KIF26A: variants seen among roughly 807,000 people sequenced by gnomAD.
KIF26A encodes kinesin-like protein KIF26A.
Under a neutral mutation model 126.0 loss-of-function variants are expected in KIF26A, and 74 were observed. The ratio of observed to expected loss-of-function variants is 0.59; its 90% CI spans 0.49 to 0.71. The LOEUF is 0.71. KIF26A is among the 30% of genes least tolerant of loss of function. KIF26A has a pLI of 0.00. For synonymous variants in KIF26A, 1,445 were observed against 1,232.7 expected (o/e 1.17, Z -3.61); for missense variants, 2,984 against 2,763.3 (o/e 1.08, Z -1.79).
chr14:104,169,156 C>T (rs1014377621), intron 5 of KIF26A, among the ~76,000 whole-genome samples: 1 of 152,180 alleles, frequency 6.6e-6, no homozygotes, highest in African/African-American at 2.4e-5. Context: ...CTGCCCTGGC[C>T]ACGTGGGCTG....
At chr14:104,139,330 A>T in intron 2 of KIF26A, 42 bp downstream of exon 2, 1 of 1,391,254 alleles carries the variant, frequency 7.2e-7, no homozygotes, top group Non-Finnish European at 9.4e-7. Context: ...GAGCAGGGCC[A>T]CGCCGAACTT....
intron 3 of KIF26A, among the ~76,000 whole-genome samples, chr14:104,157,070 A>G (rs2037785924): frequency 6.6e-6 from 1 of 152,154 alleles, no homozygotes; most frequent in Non-Finnish European, 1.5e-5. Flanking sequence ...CACGCCGCCC[A>G]GGACCAGGTT....
At chr14:104,156,131 C>T (rs2037774938) in intron 3 of KIF26A, among the ~76,000 whole-genome samples, 1 of 152,222 alleles carries the variant, frequency 6.6e-6, no homozygotes, top group South Asian at 2.1e-4. Context: ...CCCAGGGGTG[C>T]TCAACCAGAC....
In KIF26A at chr14:104,139,072, G is replaced by T; in HGVS notation, c.72G>T (p.Pro24=). Residue 24 remains proline (P), a synonymous_variant, in exon 2 of 15, where the codon CCG becomes CCT. Transcript: ENST00000423312. ...CCGAGGGCGGCCCGGCCCGCGAGCC[G>T]CCGCCGCTGCTGGAGGTGTCCCCCC... The part of the protein sequence containing the change: ...AVAEGGPARE[P]PPLLEVSPRK... 1 of 1,391,464 alleles carries T rather than the reference G, an allele frequency of 7.2e-7. No homozygotes were observed. Among genetic ancestry groups the T allele is most frequent in the East Asian group, 3.1e-5 (1 of 32,688 alleles). 86.2% of individuals were successfully genotyped at this position (1,391,464 alleles called of 1,614,324 possible). A position where few individuals can be genotyped will look rare whatever the true frequency, so the allele number is the denominator to read the frequency against.
At chr14:104,165,661 A>C (rs535547604) in intron 4 of KIF26A, among the ~76,000 whole-genome samples, 13 of 111,532 alleles carry the variant, frequency 1.2e-4, no homozygotes, top group African/African-American at 3.4e-4. Context: ...ATGTGTGTGT[A>C]TCTGTGTTTC....
intron 4 of KIF26A, among the ~76,000 whole-genome samples, chr14:104,164,135 C>T (rs377405415): frequency 3.9e-5 from 6 of 152,178 alleles, no homozygotes; most frequent in South Asian, 4.1e-4. Context: ...AAAACGCCAG[C>T]GCTGCAGCCG....
At chr14:104,163,598 C>G (rs1400355717) in intron 4 of KIF26A, among the ~76,000 whole-genome samples, 2 of 150,812 alleles carry the variant, frequency 1.3e-5, no homozygotes, top group Non-Finnish European at 2.9e-5. Flanking sequence ...GTGCCATTGC[C>G]TCCCCTTGCA....
rs183355276 is a variant in KIF26A, at chr14:104,147,050, A to G, written c.289-4965A>G. ...AGGGGCCTGATTTGAAACCGAGTCC[A>G]CGGGGCCCCTTGGTTCACCCGGTGA... is the stretch of plus-strand genomic sequence containing the variant. On this transcript the variant is annotated intron_variant, in intron 2 of 14. Transcript: ENST00000423312. Among the ~76,000 whole-genome samples, 6 of 152,176 alleles carry G rather than the reference A, an allele frequency of 3.9e-5. 1 individual carries two copies. In the East Asian group the frequency reaches 1.2e-3, roughly 29 times the overall value.
At position 104,178,706 on chromosome 14, in the gene KIF26A, TG is replaced by T. The variant is rs930915134; in HGVS notation, c.5269del (p.Glu1757SerfsTer56). 6.4e-7 allele frequency: 1 copy of T among 1,561,462 alleles called. No individual in the cohort carries two copies. Among genetic ancestry groups the T allele is most frequent in the African/African-American group, 1.4e-5 (1 of 73,550 alleles). ...FEIKVYEIDD[V>X]ERLQRPRPTP... ...ATCAAGGTGTACGAGATCGATGACG[TG>T]GAGCGCCTTCAGCGGCCCCGCCCCA... On this transcript the variant is annotated frameshift_variant, in exon 13 of 15. Coordinates refer to ENST00000423312, the MANE Select transcript of KIF26A (RefSeq NM_015656.2). LOFTEE classifies it high-confidence loss of function.
rs1167301804 is a variant in KIF26A at position 104,178,536 on chromosome 14, GC to G, written c.5111-13del. The G allele has an allele frequency of 6.9e-7, 1 of 1,444,426 alleles. No homozygotes were observed. Among genetic ancestry groups the G allele is most frequent in the Admixed American group, 2.7e-5 (1 of 37,144 alleles). 89.5% of individuals were successfully genotyped at this position (1,444,426 alleles called of 1,614,324 possible). On this transcript the variant is annotated splice_polypyrimidine_tract_variant and intron_variant, in intron 12 of 14. Coordinates refer to ENST00000423312, the MANE Select transcript of KIF26A (RefSeq NM_015656.2). ...CCCGCCTCTGTTCACCCTGTGCCCG[GC>G]TCTCCGTTCCAGGTCTGCAGCGGCG... is the stretch of plus-strand genomic sequence containing the variant.
intron 5 of KIF26A, among the ~76,000 whole-genome samples, chr14:104,168,409 T>C (rs143754806): frequency 0.043 from 6,558 of 152,296 alleles, 184 homozygotes; most frequent in Non-Finnish European, 0.063. Flanking sequence ...TGACGGTGGC[T>C]ACTGGTCTGG....
intron 2 of KIF26A, among the ~76,000 whole-genome samples, chr14:104,146,930 C>T (rs991652471): frequency 4.6e-5 from 7 of 152,064 alleles, no homozygotes; most frequent in Non-Finnish European, 1.0e-4. Flanking sequence ...TTGGCAGCCT[C>T]GTAGGAGGGG....
At chr14:104,171,652 C>G (rs543989813) in intron 5 of KIF26A, 71 bp from the exon 6 acceptor site, 8 of 1,343,740 alleles carry the variant, frequency 6.0e-6, no homozygotes, top group Non-Finnish European at 7.2e-6. Flanking sequence ...TGAGCTGGGC[C>G]CCTCCTGCCC....
chr14:104,151,953 C>T lies in KIF26A; in HGVS notation c.289-62C>T. 6.8e-7 allele frequency: 1 copy of T among 1,477,010 alleles called. No individual in the cohort carries two copies. The highest frequency in any genetic ancestry group is 9.5e-7 in the Non-Finnish European group (1 of 1,058,110). 91.5% of individuals were successfully genotyped at this position (1,477,010 alleles called of 1,614,324 possible). A position where few individuals can be genotyped will look rare whatever the true frequency, so the allele number is the denominator to read the frequency against. On this transcript the variant is annotated intron_variant, in intron 2 of 14. Coordinates refer to ENST00000423312, the MANE Select transcript of KIF26A (RefSeq NM_015656.2). The surrounding 1 kb of genome is among the most constrained non-coding windows in gnomAD (Gnocchi z 4.9). ...CATGGACGGTGAGAGTGCTGGTGGG[C>T]TCTGGGTGCCGGCCCTCCCTCCCCA...
At chr14:104,166,442 G>A (rs995832776) in intron 4 of KIF26A, among the ~76,000 whole-genome samples, 5 of 152,160 alleles carry the variant, frequency 3.3e-5, no homozygotes, top group Non-Finnish European at 7.4e-5. Context: ...AGGTGGATGT[G>A]CCCAGGTCAC....
chr14:104,172,184 G>A (rs1378375982), intron 6 of KIF26A, among the ~76,000 whole-genome samples: 1 of 152,234 alleles, frequency 6.6e-6, no homozygotes, highest in African/African-American at 2.4e-5. Context: ...TCCGGAGCCC[G>A]CCCTCCCGGG....
chr14:104,166,636 G>A lies in KIF26A; in HGVS notation c.924-223G>A, dbSNP rs536168241. Among the ~76,000 whole-genome samples, 3 of 152,196 alleles carry A rather than the reference G, an allele frequency of 2.0e-5. No individual in the cohort carries two copies. The South Asian group carries it at 6.2e-4, about 32-fold the overall frequency. On this transcript the variant is annotated intron_variant, in intron 4 of 14. Transcript: ENST00000423312. ...CTGGACCCTGTCACAAGCTTGGTGT[G>A]AATGCTGGGCAGAGTCCCTGGGGCA...
At chr14:104,162,579 G>A (rs973705488) in intron 4 of KIF26A, among the ~76,000 whole-genome samples, 1 of 152,166 alleles carries the variant, frequency 6.6e-6, no homozygotes, top group Non-Finnish European at 1.5e-5. Flanking sequence ...CGGCCTCCGC[G>A]TCCCCTGGAA....
In KIF26A at chr14:104,177,200, G is replaced by T; in HGVS notation, c.4412G>T (p.Ser1471Ile). ...CCCAAGCTGGGTGTGCCACCCTCCA[G>T]CCCCACACACGGTCCAGCTCCCGCC... ...AVPKLGVPPS[S>I]PTHGPAPACR... is the part of the protein sequence containing the mutation. Residue 1471 changes from serine to isoleucine, a missense_variant, in exon 12 of 15, where the codon AGC becomes ATC. Ser to Ile is a moderately radical substitution (Grantham distance 142). Transcript: ENST00000423312. 6.3e-7 allele frequency: 1 copy of T among 1,595,986 alleles called. No homozygotes were observed. The highest frequency in any genetic ancestry group is 8.5e-7 in the Non-Finnish European group (1 of 1,176,982).
Sources: gnomAD v4.1 joint callset for allele counts (sites outside exome capture counted in the v4.1 genomes callset) on GRCh38, gnomAD v4.1.1 for gene constraint, Gnocchi (gnomAD v3.1) non-coding constraint, MANE v1.5 for transcripts, NCBI Gene and HGNC (gene_info 2026-07-23, HGNC 2026-07-21) for gene names.